Variants in H3C10 observed in about 807,000 individuals in gnomAD.
H3C10 encodes H3 clustered histone 10, also known as histone H3.1.
Under a neutral mutation model 6.8 loss-of-function variants are expected in H3C10, and 8 were observed. The ratio of observed to expected loss-of-function variants is 1.17; its 90% CI spans 0.69 to 2.12. The LOEUF is 2.12. Ranked by LOEUF, H3C10 falls within the 30% of genes most tolerant of loss-of-function variation. H3C10 has a pLI of 0.00. For missense variants in H3C10, 163 were observed against 195.3 expected (o/e 0.83, Z 0.98); for synonymous variants, 122 against 81.3 (o/e 1.50, Z -2.69).
chr6:27,810,250 C>G lies in H3C10; in HGVS notation c.177C>G (p.Thr59=), dbSNP rs150640098. 5.6e-6 allele frequency: 9 copies of G among 1,614,120 alleles called. No individual in the cohort carries two copies. The highest frequency in any genetic ancestry group is 3.3e-4 in the Middle Eastern group (2 of 6,084). ...AGATTCGCCGCTACCAGAAGTCCACCGAGCTGCTGATCAGAAAGCTGCCTT... is the reference window on the plus strand; with the variant it reads ...AGATTCGCCGCTACCAGAAGTCCACGGAGCTGCTGATCAGAAAGCTGCCTT... ...LREIRRYQKS[T]ELLIRKLPFQ... is the part of the protein sequence containing the mutation. The change falls in exon 1 of 1, where the codon ACC becomes ACG. Residue 59 remains threonine, a synonymous_variant. Transcript: ENST00000685041.
rs1760541021 is a variant in H3C10, at chr6:27,810,483, G to C, written c.410G>C (p.Ter137SerextTer6). The change falls in exon 1 of 1, where the codon TGA (stop) becomes TCA (serine). Residue 137 changes from the stop codon to serine (S), a stop_lost. Coordinates refer to ENST00000685041, the MANE Select transcript of H3C10 (RefSeq NM_003536.3). ...CGTCGTATCCGCGGCGAGAGGGCTT[G>C]AGTCTCAAGGACTCACTGATTACAT... Reference protein sequence around the residue: ...LARRIRGERA* With the variant: ...LARRIRGERAS 3 of 1,613,654 alleles carry C rather than the reference G, an allele frequency of 1.9e-6. No individual in the cohort carries two copies. The highest frequency in any genetic ancestry group is 1.7e-6 in the Non-Finnish European group (2 of 1,179,720).
Position 27,810,124 on chromosome 6 carries a change from G to C in H3C10, c.51G>C (p.Pro17=). Residue 17 remains proline, a synonymous_variant, in exon 1 of 1, where the codon CCG becomes CCC. Transcript: ENST00000685041. ...TARKSTGGKA[P]RKQLATKAAR... is the part of the protein sequence containing the mutation. ...GCAAGTCCACCGGCGGCAAGGCTCC[G>C]CGCAAGCAGCTGGCCACCAAGGCGG... The C allele has an allele frequency of 6.2e-7, 1 of 1,614,108 alleles. No homozygotes were observed.
chr6:27,810,391 G>A lies in H3C10; in HGVS notation c.318G>A (p.Glu106=), dbSNP rs1424322447. 1 of 1,614,224 alleles carries A rather than the reference G, an allele frequency of 6.2e-7. No homozygotes were observed. Among genetic ancestry groups the A allele is most frequent in the Non-Finnish European group, 8.5e-7 (1 of 1,180,038 alleles). ...AGGCCTACCTGGTGGGGCTCTTTGA[G>A]GACACCAACCTGTGCGCCATCCACG... ...ACEAYLVGLF[E]DTNLCAIHAK... is the part of the protein sequence containing the mutation. Residue 106 remains glutamate, a synonymous_variant, in exon 1 of 1, where the codon GAG becomes GAA. Coordinates refer to ENST00000685041, the MANE Select transcript of H3C10 (RefSeq NM_003536.3).
In H3C10 at chr6:27,810,098, CG is replaced by C; in HGVS notation, c.26del (p.Arg9ProfsTer54). On this transcript the variant is annotated frameshift_variant, in exon 1 of 1. Coordinates refer to ENST00000685041, the MANE Select transcript of H3C10 (RefSeq NM_003536.3). LOFTEE classifies it high-confidence loss of function. Reference protein sequence around the residue: MARTKQTARKSTGGKAPRK... With the variant: MARTKQTAXKSTGGKAPRK... Reference sequence around the variant, plus strand: ...CATGGCGCGTACGAAGCAGACTGCTCGCAAGTCCACCGGCGGCAAGGCTCCG... The same window carrying C: ...CATGGCGCGTACGAAGCAGACTGCTCCAAGTCCACCGGCGGCAAGGCTCCG... 1.2e-6 allele frequency: 2 copies of C among 1,614,066 alleles called. No homozygotes were observed. The highest frequency in any genetic ancestry group is 1.7e-6 in the Non-Finnish European group (2 of 1,179,968).
Position 27,810,196 on chromosome 6 carries a change from C to T in H3C10, c.123C>T (p.Arg41=), listed in dbSNP as rs545862307. The stretch of plus-strand genomic sequence containing the variant: ...CCGGCGGTGTCAAGAAGCCCCATCG[C>T]TATCGGCCTGGTACAGTGGCTCTCC... ...PATGGVKKPH[R]YRPGTVALRE... The change falls in exon 1 of 1, where the codon CGC becomes CGT. Residue 41 remains arginine (R), a synonymous_variant. Transcript: ENST00000685041. 5 of 1,614,194 alleles carry T rather than the reference C, an allele frequency of 3.1e-6. No homozygotes were observed. The South Asian group carries it at 3.3e-5, about 11-fold the overall frequency.
In H3C10 at chr6:27,810,501, G is replaced by A; in HGVS notation, c.*17G>A. ...AGGGCTTGAGTCTCAAGGACTCACT[G>A]ATTACATACCCAAAGGCTCTTTTCA... On this transcript the variant is annotated 3_prime_UTR_variant, in exon 1 of 1. Transcript: ENST00000685041. 6.2e-7 allele frequency: 1 copy of A among 1,609,682 alleles called. No individual in the cohort carries two copies. Among genetic ancestry groups the A allele is most frequent in the East Asian group, 2.2e-5 (1 of 44,850 alleles).
rs763859343 is a variant in H3C10, at chr6:27,810,451, G to A, written c.378G>A (p.Gln126=). The A allele has an allele frequency of 1.2e-6, 2 of 1,614,112 alleles. No homozygotes were observed. The highest frequency in any genetic ancestry group is 8.5e-7 in the Non-Finnish European group (1 of 1,179,988). The stretch of plus-strand genomic sequence containing the variant: ...TGACTATCATGCCCAAGGACATCCA[G>A]CTCGCACGTCGTATCCGCGGCGAGA... ...KRVTIMPKDI[Q]LARRIRGERA Residue 126 remains glutamine (Q), a synonymous_variant, in exon 1 of 1, where the codon CAG becomes CAA. Coordinates refer to ENST00000685041, the MANE Select transcript of H3C10 (RefSeq NM_003536.3).
rs747646153 is a variant in H3C10, at chr6:27,810,139, C to T, written c.66C>T (p.Ala22=). The change falls in exon 1 of 1, where the codon GCC becomes GCT. Residue 22 remains alanine (A), a synonymous_variant. Coordinates refer to ENST00000685041, the MANE Select transcript of H3C10 (RefSeq NM_003536.3). ...GCAAGGCTCCGCGCAAGCAGCTGGC[C>T]ACCAAGGCGGCTCGGAAGAGCGCTC... ...TGGKAPRKQL[A]TKAARKSAPA... 2 of 1,614,092 alleles carry T rather than the reference C, an allele frequency of 1.2e-6. No individual in the cohort carries two copies. Among genetic ancestry groups the T allele is most frequent in the Non-Finnish European group, 1.7e-6 (2 of 1,180,008 alleles).
chr6:27,810,430 T>C lies in H3C10; in HGVS notation c.357T>C (p.Thr119=), dbSNP rs1182241290. The change falls in exon 1 of 1, where the codon ACT becomes ACC. Residue 119 remains threonine, a synonymous_variant. Transcript: ENST00000685041. ...GCGCCATCCACGCCAAGCGGGTGAC[T>C]ATCATGCCCAAGGACATCCAGCTCG... The part of the protein sequence containing the change: ...NLCAIHAKRV[T]IMPKDIQLAR... 1.9e-6 allele frequency: 3 copies of C among 1,614,036 alleles called. No individual in the cohort carries two copies. The highest frequency in any genetic ancestry group is 2.5e-6 in the Non-Finnish European group (3 of 1,180,030).
At position 27,810,176 on chromosome 6, in the gene H3C10, GGT is replaced by G; in HGVS notation, c.106_107del (p.Val36GlnfsTer38). 1 of 1,614,146 alleles carries G rather than the reference GGT, an allele frequency of 6.2e-7. No homozygotes were observed. Among genetic ancestry groups the G allele is most frequent in the Non-Finnish European group, 8.5e-7 (1 of 1,180,030 alleles). ...TCGGAAGAGCGCTCCGGCCACCGGCGGTGTCAAGAAGCCCCATCGCTATCGGC... is the reference window on the plus strand; with the variant it reads ...TCGGAAGAGCGCTCCGGCCACCGGCGGTCAAGAAGCCCCATCGCTATCGGC... ...AARKSAPATG[G>X]VKKPHRYRPG... On this transcript the variant is annotated frameshift_variant, in exon 1 of 1. Coordinates refer to ENST00000685041, the MANE Select transcript of H3C10 (RefSeq NM_003536.3). LOFTEE classifies it high-confidence loss of function.
At position 27,810,072 on chromosome 6, in the gene H3C10, G is replaced by C; in HGVS notation, c.-2G>C. On this transcript the variant is annotated 5_prime_UTR_variant, in exon 1 of 1. Transcript: ENST00000685041. ...TCCTGAAGTGAATCTAGCTCTGAAG[G>C]CATGGCGCGTACGAAGCAGACTGCT... The C allele has an allele frequency of 6.2e-7, 1 of 1,613,884 alleles. No individual in the cohort carries two copies.
In H3C10 at chr6:27,810,429, CTA is replaced by C. The variant is rs1760540063; in HGVS notation, c.358_359del (p.Ile120HisfsTer?). On this transcript the variant is annotated frameshift_variant, in exon 1 of 1. Transcript: ENST00000685041. LOFTEE classifies it high-confidence loss of function. ...TGCGCCATCCACGCCAAGCGGGTGACTATCATGCCCAAGGACATCCAGCTCGC... is the reference window on the plus strand; with the variant it reads ...TGCGCCATCCACGCCAAGCGGGTGACTCATGCCCAAGGACATCCAGCTCGC... 3 of 1,614,216 alleles carry C rather than the reference CTA, an allele frequency of 1.9e-6. No individual in the cohort carries two copies. Among genetic ancestry groups the C allele is most frequent in the Non-Finnish European group, 2.5e-6 (3 of 1,180,042 alleles).
At position 27,810,238 on chromosome 6, in the gene H3C10, C is replaced by T. The variant is rs762394981; in HGVS notation, c.165C>T (p.Tyr55=). Residue 55 remains tyrosine, a synonymous_variant, in exon 1 of 1, where the codon TAC becomes TAT. Transcript: ENST00000685041. ...TGGCTCTCCGCGAGATTCGCCGCTA[C>T]CAGAAGTCCACCGAGCTGCTGATCA... ...GTVALREIRR[Y]QKSTELLIRK... The T allele has an allele frequency of 1.9e-6, 3 of 1,614,224 alleles. No individual in the cohort carries two copies. The highest frequency in any genetic ancestry group is 2.2e-5 in the South Asian group (2 of 91,084).
In H3C10 at chr6:27,810,078, C is replaced by T. The variant is rs778245917; in HGVS notation, c.5C>T (p.Ala2Val). The change falls in exon 1 of 1, where the codon GCG becomes GTG. Residue 2 changes from alanine (A) to valine (V), a missense_variant. Transcript: ENST00000685041. MARTKQTARKST... is the reference protein window; with the variant it reads MVRTKQTARKST... ...AGTGAATCTAGCTCTGAAGGCATGG[C>T]GCGTACGAAGCAGACTGCTCGCAAG... is the stretch of plus-strand genomic sequence containing the variant. 3.1e-6 allele frequency: 5 copies of T among 1,613,932 alleles called. No homozygotes were observed. Among genetic ancestry groups the T allele is most frequent in the East Asian group, 2.2e-5 (1 of 44,884 alleles).
chr6:27,810,381 G>A lies in H3C10; in HGVS notation c.308G>A (p.Gly103Glu). 1 of 1,614,220 alleles carries A rather than the reference G, an allele frequency of 6.2e-7. No individual in the cohort carries two copies. The highest frequency in any genetic ancestry group is 8.5e-7 in the Non-Finnish European group (1 of 1,180,042). ...GAGGCATGCGAGGCCTACCTGGTGG[G>A]GCTCTTTGAGGACACCAACCTGTGC... The part of the protein sequence containing the change: ...LQEACEAYLV[G>E]LFEDTNLCAI... The change falls in exon 1 of 1, where the codon GGG (glycine) becomes GAG (glutamate). Residue 103 changes from glycine (G) to glutamate (E), a missense_variant. By Grantham distance (98) the Gly-to-Glu change is moderately conservative. Coordinates refer to ENST00000685041, the MANE Select transcript of H3C10 (RefSeq NM_003536.3).
chr6:27,810,322 G>A lies in H3C10; in HGVS notation c.249G>A (p.Leu83=), dbSNP rs1180067418. ...REIAQDFKTD[L]RFQSSAVMAL... ...TCGCGCAGGACTTCAAGACCGACTT[G>A]CGCTTCCAGAGCTCCGCGGTGATGG... is the stretch of plus-strand genomic sequence containing the variant. The change falls in exon 1 of 1, where the codon TTG becomes TTA. Residue 83 remains leucine (L), a synonymous_variant. Coordinates refer to ENST00000685041, the MANE Select transcript of H3C10 (RefSeq NM_003536.3). The A allele has an allele frequency of 6.2e-7, 1 of 1,614,242 alleles. No individual in the cohort carries two copies. The highest frequency in any genetic ancestry group is 8.5e-7 in the Non-Finnish European group (1 of 1,180,038).
Position 27,810,489 on chromosome 6 carries a change from C to T in H3C10, c.*5C>T, listed in dbSNP as rs748324475. 1.2e-6 allele frequency: 2 copies of T among 1,612,656 alleles called. No homozygotes were observed. Among genetic ancestry groups the T allele is most frequent in the East Asian group, 2.2e-5 (1 of 44,896 alleles). ...ATCCGCGGCGAGAGGGCTTGAGTCT[C>T]AAGGACTCACTGATTACATACCCAA... On this transcript the variant is annotated 3_prime_UTR_variant, in exon 1 of 1. Transcript: ENST00000685041.
chr6:27,810,223 C>T lies in H3C10; in HGVS notation c.150C>T (p.Arg50=). 4 of 1,614,160 alleles carry T rather than the reference C, an allele frequency of 2.5e-6. No individual in the cohort carries two copies. The highest frequency in any genetic ancestry group is 2.5e-6 in the Non-Finnish European group (3 of 1,180,012). The change falls in exon 1 of 1, where the codon CGC becomes CGT. Residue 50 remains arginine, a synonymous_variant. Transcript: ENST00000685041. ...ATCGGCCTGGTACAGTGGCTCTCCG[C>T]GAGATTCGCCGCTACCAGAAGTCCA... is the stretch of plus-strand genomic sequence containing the variant. ...HRYRPGTVAL[R]EIRRYQKSTE... is the part of the protein sequence containing the mutation.
At position 27,810,384 on chromosome 6, in the gene H3C10, T is replaced by C. The variant is rs1185725802; in HGVS notation, c.311T>C (p.Leu104Pro). 1 of 1,614,162 alleles carries C rather than the reference T, an allele frequency of 6.2e-7. No homozygotes were observed. The highest frequency in any genetic ancestry group is 1.1e-5 in the South Asian group (1 of 91,086). ...GCATGCGAGGCCTACCTGGTGGGGCTCTTTGAGGACACCAACCTGTGCGCC... is the reference window on the plus strand; with the variant it reads ...GCATGCGAGGCCTACCTGGTGGGGCCCTTTGAGGACACCAACCTGTGCGCC... ...QEACEAYLVG[L>P]FEDTNLCAIH... The change falls in exon 1 of 1, where the codon CTC becomes CCC. Residue 104 changes from leucine to proline, a missense_variant. Coordinates refer to ENST00000685041, the MANE Select transcript of H3C10 (RefSeq NM_003536.3).
Sources: allele counts gnomAD v4.1 joint callset, GRCh38; gene constraint gnomAD v4.1.1; transcripts MANE v1.5; gene names NCBI Gene and HGNC (gene_info 2026-07-23, HGNC 2026-07-21).